SPIRE2: variants seen among roughly 807,000 people sequenced by gnomAD.
The protein encoded by SPIRE2 is protein spire homolog 2.
In SPIRE2, 76 loss-of-function variants were observed where a neutral mutation model predicts 80.7. The ratio of observed to expected loss-of-function variants is 0.94; its 90% confidence interval spans 0.78 to 1.14. SPIRE2 has a LOEUF of 1.14. SPIRE2 is among the 50% of genes most tolerant of loss of function. The pLI is 0.00. For missense variants in SPIRE2, 1,196 were observed against 1,015.3 expected, an observed-to-expected ratio of 1.18 and a Z score of -2.42; for synonymous variants, 535 against 432.6, an observed-to-expected ratio of 1.24 and a Z score of -2.94.
chr16:89,842,985 T>G (rs1203963758), intron 1 of SPIRE2, among the ~76,000 whole-genome samples: 1 of 152,264 alleles, frequency 6.6e-6, no homozygotes, highest in Non-Finnish European at 1.5e-5. Context: ...GCAGGTCCAC[T>G]GAGCAGATGA....
intron 7 of SPIRE2, 103 bp downstream of exon 7, chr16:89,856,339 G>T (rs1007746702): frequency 2.6e-5 from 34 of 1,305,780 alleles, no homozygotes; most frequent in African/African-American, 4.5e-5. Flanking sequence ...CTCCCTGAGG[G>T]CGCCTGAACC....
intron 5 of SPIRE2, 92 bp downstream of exon 5, chr16:89,854,743 C>A: frequency 7.5e-7 from 1 of 1,326,736 alleles, no homozygotes. Flanking sequence ...TTGGGCAGCC[C>A]ACCCCAGAGA....
At chr16:89,837,411 C>G (rs184126306) in intron 1 of SPIRE2, among the ~76,000 whole-genome samples, 2 of 152,158 alleles carry the variant, frequency 1.3e-5, no homozygotes, top group African/African-American at 4.8e-5. Context: ...CCTCTTGGAC[C>G]GGGATTAATA....
chr16:89,869,983 C>T lies in SPIRE2; in HGVS notation c.1923-67C>T, dbSNP rs528488855. ...AGCCAGGAGGGGGCTGTGGCATGCACAAGCAGGGAGGGGGGTGTGGCACCC... is the reference window on the plus strand; with the variant it reads ...AGCCAGGAGGGGGCTGTGGCATGCATAAGCAGGGAGGGGGGTGTGGCACCC... On this transcript the variant is annotated intron_variant, in intron 14 of 14. Transcript: ENST00000378247. 64 of 1,409,806 alleles carry T rather than the reference C, an allele frequency of 4.5e-5. No individual in the cohort carries two copies. The South Asian group carries it at 6.8e-4, about 15-fold the overall frequency. 87.3% of individuals were successfully genotyped at this position (1,409,806 alleles called of 1,614,324 possible).
In SPIRE2 at chr16:89,863,852, T is replaced by C. The variant is rs2041766217; in HGVS notation, c.1769T>C (p.Phe590Ser). The change falls in exon 12 of 15, where the codon TTC becomes TCC. Residue 590 changes from phenylalanine to serine, a missense_variant. Phe to Ser is a radical substitution (Grantham distance 155, BLOSUM62 -2). Transcript: ENST00000378247. The surrounding 1 kb of genome is among the most constrained non-coding windows in gnomAD (Gnocchi z 4.3). ...PLFSWPPSCL[F>S]CKRAVCTSCS... ...TTCTCGTGGCCGCCCAGCTGTCTCT[T>C]CTGCAAGAGGTGAGCCTTCCCTTTA... The C allele has an allele frequency of 6.2e-7, 1 of 1,613,466 alleles. No individual in the cohort carries two copies. Among genetic ancestry groups the C allele is most frequent in the Non-Finnish European group, 8.5e-7 (1 of 1,179,714 alleles).
intron 1 of SPIRE2, among the ~76,000 whole-genome samples, chr16:89,841,222 T>G (rs2041503102): frequency 6.6e-6 from 1 of 151,906 alleles, no homozygotes; most frequent in African/African-American, 2.4e-5. Flanking sequence ...CAGGTGGCTT[T>G]TCTTCTCTCA....
Position 89,856,232 on chromosome 16 carries a change from C to G in SPIRE2, c.1098C>G (p.Ala366=), listed in dbSNP as rs371646113. The G allele has an allele frequency of 6.4e-7, 1 of 1,571,558 alleles. No individual in the cohort carries two copies. The highest frequency in any genetic ancestry group is 2.3e-5 in the East Asian group (1 of 43,100). The change falls in exon 7 of 15, where the codon GCC becomes GCG. Residue 366 remains alanine, a synonymous_variant. Coordinates refer to ENST00000378247, the MANE Select transcript of SPIRE2 (RefSeq NM_032451.2). ...CGGTGCGGGGCGAGGGCTGGGCTGCCCGCGGTGAGTGAGGGGATGGCAGGA... is the reference window on the plus strand; with the variant it reads ...CGGTGCGGGGCGAGGGCTGGGCTGCGCGCGGTGAGTGAGGGGATGGCAGGA... The part of the protein sequence containing the change: ...LRPVRGEGWA[A]RGFGSLPCIL...
At chr16:89,849,798 C>T in intron 2 of SPIRE2, 1 of 288,390 alleles carries the variant, frequency 3.5e-6, no homozygotes, top group Non-Finnish European at 6.7e-6. Context: ...TAAGAGGTCG[C>T]TACTGTGAAG....
rs781098954 is a variant in SPIRE2, at chr16:89,854,304, G to A, written c.664G>A (p.Glu222Lys). Residue 222 changes from glutamate (E) to lysine (K), a missense_variant, in exon 4 of 15, where the codon GAG becomes AAG. By Grantham distance (56) the Glu-to-Lys change is moderately conservative. Transcript: ENST00000378247. Reference protein sequence around the residue: ...EAKEMLQKLREDEPHLETPRA... With the variant: ...EAKEMLQKLRKDEPHLETPRA... ...GTCACAGATGCTGCAGAAGCTTCGG[G>A]AGGACGAGCCGCATCTGGAGACGCC... is the stretch of plus-strand genomic sequence containing the variant. The A allele has an allele frequency of 2.4e-5, 38 of 1,612,124 alleles. No homozygotes were observed. The highest frequency in any genetic ancestry group is 3.1e-5 in the Non-Finnish European group (37 of 1,179,760).
chr16:89,828,729 G>T lies in SPIRE2; in HGVS notation c.179G>T (p.Arg60Leu). ...CGGGGCTCGCCGGGCCGGCGCCTGCGGGATACCGGGGACCTCCTGCTGCGC... is the reference window on the plus strand; with the variant it reads ...CGGGGCTCGCCGGGCCGGCGCCTGCTGGATACCGGGGACCTCCTGCTGCGC... Reference protein sequence around the residue: ...GLRGSPGRRLRDTGDLLLRGD... With the variant: ...GLRGSPGRRLLDTGDLLLRGD... Residue 60 changes from arginine to leucine, a missense_variant, in exon 1 of 15, where the codon CGG becomes CTG. Physicochemically the swap from Arg to Leu is moderately radical, Grantham distance 102. Transcript: ENST00000378247. The surrounding 1 kb of genome is among the most constrained non-coding windows in gnomAD (Gnocchi z 5.9). 8.1e-7 allele frequency: 1 copy of T among 1,241,158 alleles called. No homozygotes were observed. Among genetic ancestry groups the T allele is most frequent in the Non-Finnish European group, 1.0e-6 (1 of 989,240 alleles). The allele number at this position is 1,241,158 out of a possible 1,614,324, so 76.9% of individuals were successfully genotyped here.
intron 1 of SPIRE2, among the ~76,000 whole-genome samples, chr16:89,840,693 T>A (rs1399561630): frequency 6.8e-6 from 1 of 146,960 alleles, no homozygotes; most frequent in African/African-American, 2.5e-5. Flanking sequence ...TGGAGTGCAA[T>A]GGCGCAATCT....
chr16:89,855,734 C>T, intron 6 of SPIRE2, 48 bp downstream of exon 6: 1 of 1,577,492 alleles, frequency 6.3e-7, no homozygotes, highest in Admixed American at 1.7e-5. Flanking sequence ...GGGCCTGGTG[C>T]TGTCCTGTAG....
intron 1 of SPIRE2, among the ~76,000 whole-genome samples, chr16:89,831,689 G>A (rs930319037): frequency 1.3e-5 from 2 of 151,208 alleles, no homozygotes; most frequent in South Asian, 2.1e-4. Flanking sequence ...AAGCCACCAC[G>A]CCTGGCCTGG....
chr16:89,843,360 C>T (rs553135727), intron 1 of SPIRE2, among the ~76,000 whole-genome samples: 2 of 152,258 alleles, frequency 1.3e-5, no homozygotes, highest in South Asian at 4.1e-4. Flanking sequence ...CCGGGCCTCC[C>T]TCAGGGCCAG....
chr16:89,844,409 C>T (rs769027846), intron 1 of SPIRE2, among the ~76,000 whole-genome samples: 10 of 150,960 alleles, frequency 6.6e-5, no homozygotes, highest in Non-Finnish European at 1.3e-4. Flanking sequence ...CTGCTAGCCT[C>T]AAGTGGTCCA....
At position 89,859,194 on chromosome 16, in the gene SPIRE2, G is replaced by A. The variant is rs189406362; in HGVS notation, c.1302G>A (p.Thr434=). Residue 434 remains threonine (T), a synonymous_variant, in exon 9 of 15, where the codon ACG becomes ACA. Coordinates refer to ENST00000378247, the MANE Select transcript of SPIRE2 (RefSeq NM_032451.2). The part of the protein sequence containing the change: ...EEEESPCGEV[T]LKRDRSFSEH... ...AAGAGTCTCCGTGTGGGGAGGTGACGCTGAAACGGGACCGCTCCTTCTCAG... is the reference window on the plus strand; with the variant it reads ...AAGAGTCTCCGTGTGGGGAGGTGACACTGAAACGGGACCGCTCCTTCTCAG... 1,521 of 1,596,180 alleles carry A rather than the reference G, an allele frequency of 9.5e-4. 11 individuals are homozygous for A. The highest frequency in any genetic ancestry group is 2.9e-4 in the Non-Finnish European group (336 of 1,170,444).
chr16:89,830,159 C>T (rs1031538895), intron 1 of SPIRE2, among the ~76,000 whole-genome samples: 12 of 151,248 alleles, frequency 7.9e-5, no homozygotes, highest in Non-Finnish European at 7.4e-5. Context: ...CGCCTGCTTC[C>T]TGTTGGTGCT....
Position 89,868,188 on chromosome 16 carries a change from G to T in SPIRE2, c.1779-1G>T, listed in dbSNP as rs780271126. ...GCTGCATTTCCTCTGTTCCCTTCCA[G>T]AGCCGTCTGCACTTCCTGTAGCATA... On this transcript the variant is annotated splice_acceptor_variant, in intron 12 of 14. Coordinates refer to ENST00000378247, the MANE Select transcript of SPIRE2 (RefSeq NM_032451.2). LOFTEE classifies it high-confidence loss of function. 1.2e-6 allele frequency: 2 copies of T among 1,614,076 alleles called. No individual in the cohort carries two copies. Among genetic ancestry groups the T allele is most frequent in the Non-Finnish European group, 1.7e-6 (2 of 1,179,976 alleles).
chr16:89,840,706 G>A (rs1340059730), intron 1 of SPIRE2, among the ~76,000 whole-genome samples: 3 of 147,662 alleles, frequency 2.0e-5, no homozygotes, highest in African/African-American at 7.6e-5. Context: ...CGCAATCTCG[G>A]CTCACTGCAA....
Sources: allele counts gnomAD v4.1 joint callset (sites outside exome capture counted in the v4.1 genomes callset), GRCh38; gene constraint gnomAD v4.1.1; non-coding constraint Gnocchi (gnomAD v3.1); transcripts MANE v1.5; gene names NCBI Gene and HGNC (gene_info 2026-07-23, HGNC 2026-07-21).